GPR158: variants seen among roughly 807,000 people sequenced by gnomAD.
The protein encoded by GPR158 is G protein-coupled receptor 158.
Under a neutral mutation model 78.2 loss-of-function variants are expected in GPR158, and 30 were observed. That is an observed-to-expected ratio of 0.38 (90% confidence interval 0.29 to 0.52). The LOEUF (loss-of-function observed/expected upper bound fraction) is 0.52, where lower values mean the gene tolerates loss of function less well. Ranked by LOEUF, GPR158 falls within the 20% of genes least tolerant of loss-of-function variation. The pLI is 0.83. For missense variants in GPR158, 1,463 were observed against 1,523.5 expected (o/e 0.96, Z 0.66); for synonymous variants, 581 against 591.1 (o/e 0.98, Z 0.25).
At chr10:25,345,084 C>T (rs1417651214) in intron 2 of GPR158, among the ~76,000 whole-genome samples, 3 of 151,954 alleles carry the variant, frequency 2.0e-5, no homozygotes, top group African/African-American at 7.2e-5. Flanking sequence ...ATTTGAAGGG[C>T]CACAGGCATT....
intron 2 of GPR158, among the ~76,000 whole-genome samples, chr10:25,222,425 C>G (rs190926119): frequency 7.3e-5 from 11 of 151,294 alleles, no homozygotes; most frequent in African/African-American, 2.7e-4. Context: ...TTCCCACAGC[C>G]CCCCCATTCC....
At chr10:25,462,510 T>C (rs112878966) in intron 4 of GPR158, among the ~76,000 whole-genome samples, 13 of 152,312 alleles carry the variant, frequency 8.5e-5, no homozygotes, top group African/African-American at 3.1e-4. Context: ...ATCGTTGCCA[T>C]AGTGATTCTT....
chr10:25,346,226 A>ATGTTTCTGGGTGTTTCTTTG (rs769305636), intron 2 of GPR158, among the ~76,000 whole-genome samples: 2,533 of 151,840 alleles, frequency 0.017, 20 homozygotes, highest in African/African-American at 0.025. Context: ...GGGTGCTCTC[A>ATGTTTCTGGGTGTTTCTTTG]ATTATTTTGA....
At chr10:25,549,979 G>A (rs1034615182) in intron 5 of GPR158, among the ~76,000 whole-genome samples, 15 of 152,302 alleles carry the variant, frequency 9.8e-5, no homozygotes, top group Non-Finnish European at 2.1e-4. Context: ...AGCAAAGATT[G>A]AGAGTCTGTG....
rs140331351 is a variant in GPR158 at position 25,522,023 on chromosome 10, C to G, written c.1405-28953C>G. On this transcript the variant is annotated intron_variant, in intron 5 of 10. Transcript: ENST00000376351. ...ATAAATAACCTCTGAGATGTCTCCA[C>G]AGAGGCCAGTTTAATAACCAGTAAT... Among the ~76,000 whole-genome samples the G allele has an allele frequency of 9.5e-4, 145 of 152,286 alleles. 4 individuals are homozygous for G. The South Asian group carries it at 0.024, about 25-fold the overall frequency.
chr10:25,483,323 G>T lies in GPR158; in HGVS notation c.1404+16604G>T, dbSNP rs374428172. ...CTGGGCTCTTCATTGTTCTCAAACC[G>T]ACCAGGCACAATCCCACCTCAAAGC... On this transcript the variant is annotated intron_variant, in intron 5 of 10. Transcript: ENST00000376351. 7.6e-4 allele frequency among the ~76,000 whole-genome samples: 116 copies of T among 151,960 alleles called. 2 individuals are homozygous for T. In the South Asian group the frequency reaches 0.023, roughly 30 times the overall value.
At chr10:25,308,056 A>C (rs933637203) in intron 2 of GPR158, among the ~76,000 whole-genome samples, 1 of 152,198 alleles carries the variant, frequency 6.6e-6, no homozygotes, top group African/African-American at 2.4e-5. Flanking sequence ...GTTGTCAAGC[A>C]TTTTAATTTA....
intron 2 of GPR158, among the ~76,000 whole-genome samples, chr10:25,327,403 T>C (rs1855051801): frequency 6.6e-6 from 1 of 152,260 alleles, no homozygotes; most frequent in Middle Eastern, 3.4e-3. Context: ...AAATGGCAAA[T>C]TTATTGCTGT....
At chr10:25,276,306 TTCTC>T (rs936199254) in intron 2 of GPR158, among the ~76,000 whole-genome samples, 3 of 152,214 alleles carry the variant, frequency 2.0e-5, no homozygotes, top group Non-Finnish European at 4.4e-5. Context: ...TGGACTCTCT[TTCTC>T]TCTCTTGCTC....
At chr10:25,418,514 T>C (rs1419222876) in intron 4 of GPR158, among the ~76,000 whole-genome samples, 1 of 152,082 alleles carries the variant, frequency 6.6e-6, no homozygotes, top group Non-Finnish European at 1.5e-5. Context: ...GCCCAGTGTG[T>C]TCTTCTAAAA....
chr10:25,508,560 C>T (rs555514804), intron 5 of GPR158, among the ~76,000 whole-genome samples: 29 of 152,188 alleles, frequency 1.9e-4, no homozygotes, highest in African/African-American at 4.1e-4. Context: ...TGCTGGCGGA[C>T]GCTAGCTTGA....
intron 2 of GPR158, among the ~76,000 whole-genome samples, chr10:25,348,177 G>A (rs773506818): frequency 3.3e-5 from 5 of 151,754 alleles, no homozygotes; most frequent in East Asian, 1.9e-4. Context: ...ATGTATGATC[G>A]GTAGGTTATA....
chr10:25,484,118 C>T (rs1270021932), intron 5 of GPR158, among the ~76,000 whole-genome samples: 1 of 152,114 alleles, frequency 6.6e-6, no homozygotes, highest in Non-Finnish European at 1.5e-5. Context: ...TTAACTTCTC[C>T]CACCTAAAGC....
intron 2 of GPR158, among the ~76,000 whole-genome samples, chr10:25,252,240 T>G (rs1408761571): frequency 2.0e-5 from 3 of 150,888 alleles, no homozygotes; most frequent in African/African-American, 7.3e-5. Context: ...AGTTTTCAAC[T>G]TCTTTGCCTT....
chr10:25,579,407 G>GCAGGCATCC (rs1281361976), intron 7 of GPR158, among the ~76,000 whole-genome samples: 2 of 152,076 alleles, frequency 1.3e-5, no homozygotes, highest in Non-Finnish European at 1.5e-5. Flanking sequence ...GATATCCCAG[G>GCAGGCATCC]CAGGCAGGTC....
At chr10:25,291,064 G>C (rs1168768993) in intron 2 of GPR158, among the ~76,000 whole-genome samples, 3 of 151,884 alleles carry the variant, frequency 2.0e-5, no homozygotes, top group African/African-American at 7.2e-5. Context: ...TAACATACTT[G>C]CAGTCATAAT....
At chr10:25,414,360 A>G (rs1378380540) in intron 4 of GPR158, among the ~76,000 whole-genome samples, 1 of 152,190 alleles carries the variant, frequency 6.6e-6, no homozygotes, top group African/African-American at 2.4e-5. Context: ...ATAGCTTTAC[A>G]TGTCACTTTA....
chr10:25,483,877 A>G (rs1835697070), intron 5 of GPR158, among the ~76,000 whole-genome samples: 1 of 152,184 alleles, frequency 6.6e-6, no homozygotes, highest in African/African-American at 2.4e-5. Context: ...CGTCTGCTGC[A>G]TCTATTTCCA....
chr10:25,252,227 C>T (rs1029179202), intron 2 of GPR158, among the ~76,000 whole-genome samples: 1 of 150,478 alleles, frequency 6.6e-6, no homozygotes, highest in Non-Finnish European at 1.5e-5. Flanking sequence ...AAATTTTTTT[C>T]AAAGTTTTCA....
Sources: gnomAD v4.1 joint callset for allele counts (sites outside exome capture counted in the v4.1 genomes callset) on GRCh38, gnomAD v4.1.1 for gene constraint, MANE v1.5 for transcripts, NCBI Gene and HGNC (gene_info 2026-07-23, HGNC 2026-07-21) for gene names.